GFRA2: variants seen among roughly 807,000 people sequenced by gnomAD.
GFRA2 encodes GDNF family receptor alpha-2.
A neutral mutation model predicts 48.3 loss-of-function variants in GFRA2; 17 were observed. The ratio of observed to expected loss-of-function variants is 0.35; its 90% CI spans 0.24 to 0.53. The LOEUF (loss-of-function observed/expected upper bound fraction) is 0.53. Ranked by LOEUF, GFRA2 falls within the 20% of genes least tolerant of loss-of-function variation. The pLI is 0.93. For missense variants in GFRA2, 660 were observed against 637.3 expected, an observed-to-expected ratio of 1.04 and a Z score of -0.38; for synonymous variants, 305 against 257.2, an observed-to-expected ratio of 1.19 and a Z score of -1.78.
At chr8:21,704,885 A>C (rs911551632) in intron 6 of GFRA2, 100 bp downstream of exon 6, 1 of 959,344 alleles carries the variant, frequency 1.0e-6, no homozygotes, top group Non-Finnish European at 1.6e-6. Flanking sequence ...CCTCATCTAC[A>C]TCACCAGCCA....
At chr8:21,801,931 T>C (rs1011616702) in intron 2 of GFRA2, among the ~76,000 whole-genome samples, 1 of 152,240 alleles carries the variant, frequency 6.6e-6, no homozygotes, top group East Asian at 1.9e-4. Context: ...GCATCCTTTC[T>C]GTCCTGCAGA....
At chr8:21,731,937 G>A (rs1052669254) in intron 4 of GFRA2, among the ~76,000 whole-genome samples, 16 of 152,252 alleles carry the variant, frequency 1.1e-4, no homozygotes, top group Admixed American at 8.5e-4. Context: ...TTCACCCAGA[G>A]TCAAGAATAA....
At chr8:21,723,677 T>C (rs1803716660) in intron 4 of GFRA2, among the ~76,000 whole-genome samples, 1 of 152,006 alleles carries the variant, frequency 6.6e-6, no homozygotes, top group Non-Finnish European at 1.5e-5. Flanking sequence ...CAGGGTCCAC[T>C]GGGAAGACTT....
chr8:21,760,645 C>T (rs931804035), intron 3 of GFRA2, among the ~76,000 whole-genome samples: 2 of 152,112 alleles, frequency 1.3e-5, no homozygotes, highest in Non-Finnish European at 2.9e-5. Flanking sequence ...GCAGAAGGGT[C>T]CACAAGCCTG....
chr8:21,798,037 G>A (rs1807708554), intron 2 of GFRA2, among the ~76,000 whole-genome samples: 2 of 152,122 alleles, frequency 1.3e-5, no homozygotes, highest in African/African-American at 4.8e-5. Flanking sequence ...CACACAGTGG[G>A]CTCCAGGATG....
chr8:21,790,085 G>C, upstream of GFRA2: 1 of 985,308 alleles, frequency 1.0e-6, no homozygotes, highest in Non-Finnish European at 1.2e-6. Context: ...TGTTTTAGTC[G>C]CAGAATTTAC....
At chr8:21,759,739 A>G (rs1315908073) in intron 3 of GFRA2, among the ~76,000 whole-genome samples, 3 of 151,818 alleles carry the variant, frequency 2.0e-5, no homozygotes, top group Admixed American at 6.6e-5. Flanking sequence ...AAATACAAAA[A>G]TGAGCCGAGT....
At chr8:21,753,635 A>C (rs1163623827) in intron 3 of GFRA2, among the ~76,000 whole-genome samples, 1 of 152,228 alleles carries the variant, frequency 6.6e-6, no homozygotes, top group East Asian at 1.9e-4. Context: ...AAAGAAAAAA[A>C]GAAAGAAAAG....
intron 2 of GFRA2, among the ~76,000 whole-genome samples, chr8:21,801,012 A>G (rs1807760592): frequency 6.6e-6 from 1 of 152,072 alleles, no homozygotes; most frequent in Non-Finnish European, 1.5e-5. Context: ...TAAGGAGAAC[A>G]GGGAAGGAGA....
chr8:21,753,695 G>A (rs916004001), intron 3 of GFRA2, among the ~76,000 whole-genome samples: 15 of 152,142 alleles, frequency 9.9e-5, no homozygotes, highest in African/African-American at 3.6e-4. Context: ...ATTACACATC[G>A]AAGGGGTATT....
At chr8:21,718,970 T>C (rs1272622889) in intron 4 of GFRA2, among the ~76,000 whole-genome samples, 1 of 149,936 alleles carries the variant, frequency 6.7e-6, no homozygotes, top group Non-Finnish European at 1.5e-5. Flanking sequence ...TTTCTTTCTC[T>C]CCTGCAGCCA....
chr8:21,722,899 A>C (rs544192997), intron 4 of GFRA2, among the ~76,000 whole-genome samples: 1 of 152,334 alleles, frequency 6.6e-6, no homozygotes, highest in African/African-American at 2.4e-5. Context: ...ACAGAGCTAC[A>C]GTCTTGCAAT....
intron 4 of GFRA2, among the ~76,000 whole-genome samples, chr8:21,735,138 C>T (rs1198095079): frequency 6.6e-6 from 1 of 152,198 alleles, no homozygotes; most frequent in Non-Finnish European, 1.5e-5. Flanking sequence ...TCAGGACCTC[C>T]TAAGGCTGTG....
At chr8:21,788,998 G>C (rs1243107272), upstream of GFRA2, among the ~76,000 whole-genome samples, 1 of 147,984 alleles carries the variant, frequency 6.8e-6, no homozygotes, top group East Asian at 2.0e-4. Context: ...CCTCCGCCCC[G>C]GGCTCGGCGC....
chr8:21,799,829 C>A (rs2117112107), intron 2 of GFRA2, among the ~76,000 whole-genome samples: 1 of 152,316 alleles, frequency 6.6e-6, no homozygotes, highest in East Asian at 1.9e-4. Context: ...GCTCCCCCAA[C>A]AAGAAGCCTG....
chr8:21,783,177 C>T lies in GFRA2; in HGVS notation c.41-278G>A, dbSNP rs113067913. ...CAGCACAATAAAGCCAGGAAGGTCC[C>T]GGCTCAAGACCTCAGTCTAAGACGT... is the stretch of plus-strand genomic sequence containing the variant. On this transcript the variant is annotated intron_variant, in intron 1 of 8. Coordinates refer to ENST00000524240, the MANE Select transcript of GFRA2 (RefSeq NM_001495.5). The T allele has an allele frequency of 7.9e-3, 4,812 of 607,748 alleles. 164 individuals carry two copies. The highest frequency in any genetic ancestry group is 0.078 in the African/African-American group (4,291 of 55,218). 37.6% of individuals were successfully genotyped at this position (607,748 alleles called of 1,614,324 possible). A position where few individuals can be genotyped will look rare whatever the true frequency, so the allele number is the denominator to read the frequency against.
At chr8:21,732,394 G>T (rs1804241673) in intron 4 of GFRA2, among the ~76,000 whole-genome samples, 1 of 152,354 alleles carries the variant, frequency 6.6e-6, no homozygotes, top group Non-Finnish European at 1.5e-5. Context: ...TGGCCCAGAT[G>T]CAAGGCACTG....
intron 4 of GFRA2, among the ~76,000 whole-genome samples, chr8:21,730,493 G>T (rs1201969856): frequency 6.6e-6 from 1 of 152,150 alleles, no homozygotes; most frequent in Non-Finnish European, 1.5e-5. Flanking sequence ...TCACTCCTCG[G>T]CCCCTATCTG....
At chr8:21,791,473 C>A (rs1807573347), upstream of GFRA2, among the ~76,000 whole-genome samples, 5 of 152,176 alleles carry the variant, frequency 3.3e-5, no homozygotes, top group African/African-American at 1.2e-4. Context: ...TCTGCCCACC[C>A]CAACACTCAA....
Sources: allele counts gnomAD v4.1 joint callset (sites outside exome capture counted in the v4.1 genomes callset), GRCh38; gene constraint gnomAD v4.1.1; transcripts MANE v1.5; gene names NCBI Gene and HGNC (gene_info 2026-07-23, HGNC 2026-07-21).